The following CACNA1A variants were observed in gnomAD, a reference collection of about 807,000 sequenced individuals.
CACNA1A encodes the protein calcium voltage-gated channel subunit alpha1 A.
Under a neutral mutation model 262.4 loss-of-function variants are expected in CACNA1A, and 57 were observed. That is an observed-to-expected ratio of 0.22 (90% confidence interval 0.18 to 0.27). CACNA1A has a LOEUF of 0.27. CACNA1A is among the 10% of genes least tolerant of loss of function. The pLI is 1.00. For synonymous variants in CACNA1A, 1,431 were observed against 1,419.3 expected (o/e 1.01, Z -0.18); for missense variants, 2,526 against 3,562.8 (o/e 0.71, Z 7.41).
intron 10 of CACNA1A, among the ~76,000 whole-genome samples, chr19:13,325,171 C>A (rs1173936280): frequency 7.1e-6 from 1 of 140,646 alleles, no homozygotes; most frequent in East Asian, 2.1e-4. Context: ...CCTTCTTCTT[C>A]TTTCCTCCTC....
At position 13,469,460 on chromosome 19, in the gene CACNA1A, C is replaced by CTTT. The variant is rs1164678494; in HGVS notation, c.294-14251_294-14249dup. On this transcript the variant is annotated intron_variant, in intron 1 of 46. Coordinates refer to ENST00000360228, the MANE Select transcript of CACNA1A (RefSeq NM_001127222.2). The stretch of plus-strand genomic sequence containing the variant: ...CCAGCATCCTTGTCTTGAACCACCT[C>CTTT]TTTTTTTTTTTTTTTTTTTTTTTTT... 4.3e-4 allele frequency among the ~76,000 whole-genome samples: 27 copies of CTTT among 62,232 alleles called. 2 individuals carry two copies. The highest frequency in any genetic ancestry group is 1.1e-3 in the African/African-American group (16 of 14,938). 40.8% of individuals were successfully genotyped at this position (62,232 alleles called of 152,430 possible). A position where few individuals can be genotyped will look rare whatever the true frequency, so the allele number is the denominator to read the frequency against.
intron 3 of CACNA1A, among the ~76,000 whole-genome samples, chr19:13,417,871 CAG>C (rs1178841824): frequency 1.5e-5 from 2 of 131,610 alleles, no homozygotes; most frequent in Non-Finnish European, 3.1e-5. Context: ...GCCTGGGTGA[CAG>C]AGCAAGACTC....
At position 13,378,709 on chromosome 19, in the gene CACNA1A, C is replaced by T. The variant is rs560912364; in HGVS notation, c.540-6930G>A. 3.9e-5 allele frequency among the ~76,000 whole-genome samples: 6 copies of T among 152,064 alleles called. No individual in the cohort carries two copies. The East Asian group carries it at 9.6e-4, about 24-fold the overall frequency. On this transcript the variant is annotated intron_variant, in intron 3 of 46. Coordinates refer to ENST00000360228, the MANE Select transcript of CACNA1A (RefSeq NM_001127222.2). ...ACAGAGTCTCAGTCTGTCACCCAGG[C>T]TGGAGTGCAGCAGTGCAATCTCGGC...
At chr19:13,503,964 T>A (rs1982706662) in intron 1 of CACNA1A, among the ~76,000 whole-genome samples, 1 of 151,950 alleles carries the variant, frequency 6.6e-6, no homozygotes, top group Admixed American at 6.6e-5. Flanking sequence ...AGCCCTCCAA[T>A]CTGCAGGATT....
chr19:13,324,929 A>G (rs2058324923), intron 10 of CACNA1A, among the ~76,000 whole-genome samples: 1 of 152,250 alleles, frequency 6.6e-6, no homozygotes, highest in Non-Finnish European at 1.5e-5. Flanking sequence ...AAGCAGAGTT[A>G]CAATGGCAGC....
At chr19:13,421,522 AT>A (rs1295238930) in intron 3 of CACNA1A, among the ~76,000 whole-genome samples, 1 of 152,166 alleles carries the variant, frequency 6.6e-6, no homozygotes, top group Non-Finnish European at 1.5e-5. Context: ...TCTTTCTCAA[AT>A]TCATATGTTG....
At chr19:13,400,769 A>G (rs1181132934) in intron 3 of CACNA1A, among the ~76,000 whole-genome samples, 9 of 152,154 alleles carry the variant, frequency 5.9e-5, no homozygotes, top group African/African-American at 1.7e-4. Flanking sequence ...TGGAGCTAAT[A>G]ATGCAGCCCC....
intron 31 of CACNA1A, 160 bp from the exon 32 acceptor site, chr19:13,235,890 C>A: frequency 1.8e-6 from 1 of 571,302 alleles, no homozygotes. Flanking sequence ...TGCAATGATG[C>A]AGAGGAAAAA....
chr19:13,298,770 G>A lies in CACNA1A; in HGVS notation c.2863C>T (p.His955Tyr), dbSNP rs2057725846. The A allele has an allele frequency of 2.6e-6, 4 of 1,522,966 alleles. No individual in the cohort carries two copies. The South Asian group carries it at 4.9e-5, about 19-fold the overall frequency. The allele number at this position is 1,522,966 out of a possible 1,614,324, so 94.3% of individuals were successfully genotyped here. ...GSPRTGADGE[H>Y]RRHRAHRRPG... ...CTGCGGTGCGCGCGATGACGTCGAT[G>A]CTCCCCGTCCGCGCCCGTGCGCGGG... is the stretch of plus-strand genomic sequence containing the variant. The change falls in exon 19 of 47, where the codon CAT becomes TAT. Residue 955 changes from histidine (H) to tyrosine (Y), a missense_variant. This residue lies in a region of CACNA1A where 765 missense variants were observed against 748.6 expected (regional missense o/e 1.02). Coordinates refer to ENST00000360228, the MANE Select transcript of CACNA1A (RefSeq NM_001127222.2).
At chr19:13,330,157 G>T in intron 10 of CACNA1A, 87 bp downstream of exon 10, 3 of 893,032 alleles carry the variant, frequency 3.4e-6, no homozygotes, top group Non-Finnish European at 5.3e-6. Flanking sequence ...CAGGCAGCAC[G>T]GTTTGCAAGC....
intron 24 of CACNA1A, among the ~76,000 whole-genome samples, chr19:13,268,563 G>A (rs11879933): frequency 0.21 from 31,376 of 151,270 alleles, 3,452 homozygotes; most frequent in Non-Finnish European, 0.24. Flanking sequence ...CCTCCCGAGT[G>A]CTGGGACTAC....
chr19:13,466,232 A>T (rs1197613547), intron 1 of CACNA1A, among the ~76,000 whole-genome samples: 1 of 141,598 alleles, frequency 7.1e-6, no homozygotes. Flanking sequence ...TTTCCCCTTG[A>T]CTCTCTCCTC....
chr19:13,245,655 CTT>C, intron 30 of CACNA1A: 1 of 121,698 alleles, frequency 8.2e-6, no homozygotes, highest in Non-Finnish European at 1.7e-5. Context: ...CACCCATTTT[CTT>C]TTTCTTTCTT....
intron 24 of CACNA1A, chr19:13,271,766 AT>A (rs34116026): frequency 1.8e-3 from 256 of 139,600 alleles, no homozygotes; most frequent in African/African-American, 4.2e-3. Flanking sequence ...CCTCCTCAGC[AT>A]TTTTTTTTTT....
intron 4 of CACNA1A, among the ~76,000 whole-genome samples, chr19:13,367,285 ACT>A (rs2059231166): frequency 8.4e-6 from 1 of 118,576 alleles, no homozygotes; most frequent in South Asian, 2.7e-4. Context: ...ACAGAGCAAG[ACT>A]CTGTCTCAAA....
At chr19:13,381,399 TTAAGAGA>T (rs1473912779) in intron 3 of CACNA1A, among the ~76,000 whole-genome samples, 3 of 151,944 alleles carry the variant, frequency 2.0e-5, no homozygotes, top group African/African-American at 7.3e-5. Flanking sequence ...ACCCTGTATC[TTAAGAGA>T]TAAAAGATAT....
chr19:13,208,776 C>G lies in CACNA1A; in HGVS notation c.6760G>C (p.Glu2254Gln), dbSNP rs779063280. The G allele has an allele frequency of 1.7e-4, 267 of 1,571,884 alleles. No individual in the cohort carries two copies. Among genetic ancestry groups the G allele is most frequent in the Middle Eastern group, 2.2e-4 (1 of 4,506 alleles). ...RWSRSPSEGR[E>Q]HMAHRQGSSS... ...CCCACCTGCCGGTGCGCCATGTGCT[C>G]TCGGCCCTCGCTGGGCGAGCGGGAC... Residue 2254 changes from glutamate (E) to glutamine (Q), a missense_variant, in exon 46 of 47, where the codon GAG (glutamate) becomes CAG (glutamine). This residue lies in a region of CACNA1A where 929 missense variants were observed against 868.1 expected (regional missense o/e 1.07). Transcript: ENST00000360228.
chr19:13,265,999 C>T (rs1215342816), intron 24 of CACNA1A, among the ~76,000 whole-genome samples: 1 of 152,058 alleles, frequency 6.6e-6, no homozygotes, highest in Non-Finnish European at 1.5e-5. Context: ...CATGTGCCAT[C>T]ACGTCCGGCT....
chr19:13,266,338 C>T lies in CACNA1A; in HGVS notation c.3990-3505G>A, dbSNP rs573725141. ...CCTTCAGTCTCAGCCTCCCAAATGGCTGGGACTGCAGGCATGCACCACTGC... is the reference window on the plus strand; with the variant it reads ...CCTTCAGTCTCAGCCTCCCAAATGGTTGGGACTGCAGGCATGCACCACTGC... On this transcript the variant is annotated intron_variant, in intron 24 of 46. Transcript: ENST00000360228. Among the ~76,000 whole-genome samples, 3 of 152,074 alleles carry T rather than the reference C, an allele frequency of 2.0e-5. No homozygotes were observed. In the East Asian group the frequency reaches 5.8e-4, roughly 29 times the overall value.
Sources: gnomAD v4.1 joint callset for allele counts (sites outside exome capture counted in the v4.1 genomes callset) on GRCh38, gnomAD v4.1.1 for gene constraint, gnomAD v4.1.1 regional missense constraint, MANE v1.5 for transcripts, NCBI Gene and HGNC (gene_info 2026-07-23, HGNC 2026-07-21) for gene names.